The following SRSF11 variants were observed in gnomAD, a reference collection of about 807,000 sequenced individuals.
The protein encoded by SRSF11 is serine and arginine rich splicing factor 11.
Under a neutral mutation model 56.0 loss-of-function variants are expected in SRSF11, and 9 were observed. The ratio of observed to expected loss-of-function variants is 0.16; its 90% CI spans 0.10 to 0.28. SRSF11 has a LOEUF of 0.28. Among genes scored for constraint, SRSF11 ranks in the 10% least tolerant of loss-of-function variants. The probability of loss-of-function intolerance (pLI) is 1.00; values close to 1 mark genes in which losing one functional copy is unlikely to be tolerated. For synonymous variants in SRSF11, 222 were observed against 215.3 expected, an observed-to-expected ratio of 1.03 and a Z score of -0.27; for missense variants, 421 against 600.7, an observed-to-expected ratio of 0.70 and a Z score of 3.13.
chr1:70,218,101 A>G (rs1343389681), upstream of SRSF11, among the ~76,000 whole-genome samples: 1 of 152,144 alleles, frequency 6.6e-6, no homozygotes, highest in Non-Finnish European at 1.5e-5. Context: ...AGTAGCTGGC[A>G]CTACAGGCGT....
At chr1:70,208,436 G>C (rs562401066) in intron 1 of SRSF11, among the ~76,000 whole-genome samples, 24 of 152,020 alleles carry the variant, frequency 1.6e-4, no homozygotes, top group Non-Finnish European at 3.1e-4. Context: ...AGCTTCAAGT[G>C]ATTTCTCCTG....
chr1:70,227,635 G>A (rs1672079908), intron 1 of SRSF11, among the ~76,000 whole-genome samples: 1 of 152,110 alleles, frequency 6.6e-6, no homozygotes, highest in Non-Finnish European at 1.5e-5. Flanking sequence ...GCAGAAATTT[G>A]AGCTACCCTG....
At position 70,249,799 on chromosome 1, in the gene SRSF11, A is replaced by G. The variant is rs1439383154; in HGVS notation, c.1023-153A>G. On this transcript the variant is annotated intron_variant, in intron 9 of 11. Coordinates refer to ENST00000370949, the MANE Select transcript of SRSF11 (RefSeq NM_001350605.2). ...GGTCTGGAACTCCTGGGCTCAAGCAATCCCCTCACCTCAGCCTGCCAAAGT... is the reference window on the plus strand; with the variant it reads ...GGTCTGGAACTCCTGGGCTCAAGCAGTCCCCTCACCTCAGCCTGCCAAAGT... 5 of 697,978 alleles carry G rather than the reference A, an allele frequency of 7.2e-6. No homozygotes were observed. In the African/African-American group the frequency reaches 7.2e-5, roughly 10 times the overall value. 43.2% of individuals were successfully genotyped at this position (697,978 alleles called of 1,614,324 possible).
intron 6 of SRSF11, 39 bp downstream of exon 6, chr1:70,237,591 G>A (rs1558199750): frequency 2.5e-6 from 4 of 1,598,686 alleles, no homozygotes; most frequent in Middle Eastern, 3.3e-4. Context: ...GTGATTCTTA[G>A]CAAAAATGAT....
At chr1:70,225,501 G>T (rs547583059) in intron 1 of SRSF11, among the ~76,000 whole-genome samples, 1 of 152,126 alleles carries the variant, frequency 6.6e-6, no homozygotes, top group African/African-American at 2.4e-5. Flanking sequence ...TCTCCACTTA[G>T]CACACTATTA....
intron 3 of SRSF11, among the ~76,000 whole-genome samples, chr1:70,233,469 G>T (rs1406583534): frequency 6.6e-6 from 1 of 152,048 alleles, no homozygotes; most frequent in African/African-American, 2.4e-5. Flanking sequence ...TGAACTCTTG[G>T]CCTCAAGTGA....
In SRSF11 at chr1:70,252,225, T is replaced by A. The variant is rs1444231000; in HGVS notation, c.*1420T>A. 1 of 152,196 alleles carries A rather than the reference T, an allele frequency of 6.6e-6. No individual in the cohort carries two copies. The highest frequency in any genetic ancestry group is 1.5e-5 in the Non-Finnish European group (1 of 68,004). The allele number at this position is 152,196 out of a possible 1,614,324, so 9.4% of individuals were successfully genotyped here. ...CTTAGCTTAGTATCATTTTATTGCT[T>A]ATTTTTTGTGTGGGAATGGGGTTGG... is the stretch of plus-strand genomic sequence containing the variant. On this transcript the variant is annotated 3_prime_UTR_variant, in exon 12 of 12. Coordinates refer to ENST00000370949, the MANE Select transcript of SRSF11 (RefSeq NM_001350605.2).
chr1:70,214,543 C>A (rs939345216), intron 1 of SRSF11, among the ~76,000 whole-genome samples: 1 of 152,034 alleles, frequency 6.6e-6, no homozygotes, highest in Non-Finnish European at 1.5e-5. Flanking sequence ...TTAGGGTGTT[C>A]ACAGACCCTG....
chr1:70,215,095 G>A (rs939813997), intron 1 of SRSF11, among the ~76,000 whole-genome samples: 4 of 151,638 alleles, frequency 2.6e-5, no homozygotes, highest in Non-Finnish European at 4.4e-5. Flanking sequence ...GCGGGGTTTC[G>A]TCATTTTGGC....
intron 9 of SRSF11, 110 bp downstream of exon 9, chr1:70,247,017 G>A: frequency 8.8e-7 from 1 of 1,131,808 alleles, no homozygotes. Flanking sequence ...TTTCAGTGTT[G>A]AAAAAAGTTA....
chr1:70,234,978 T>C (rs1673630499), intron 4 of SRSF11, among the ~76,000 whole-genome samples, 190 bp downstream of exon 4: 1 of 152,224 alleles, frequency 6.6e-6, no homozygotes. Flanking sequence ...ATTTCTTTTA[T>C]ATAGTTCAAA....
intron 1 of SRSF11, among the ~76,000 whole-genome samples, chr1:70,226,915 A>G (rs1671906752): frequency 6.6e-6 from 1 of 152,220 alleles, no homozygotes; most frequent in South Asian, 2.1e-4. Context: ...GCAGTGTTTC[A>G]CATCTAAAAA....
chr1:70,219,411 C>T (rs1188205556), upstream of SRSF11, among the ~76,000 whole-genome samples: 1 of 152,122 alleles, frequency 6.6e-6, no homozygotes. Context: ...TAAATCATCT[C>T]TATACTAATA....
rs763631558 is a variant in SRSF11, at chr1:70,244,656, A to G, written c.801-28A>G. On this transcript the variant is annotated intron_variant, in intron 7 of 11. Transcript: ENST00000370949. ...TTATAGTCTTTTTACATTTATACACATGTATTGGCTTCCTTTTACACTATT... is the reference window on the plus strand; with the variant it reads ...TTATAGTCTTTTTACATTTATACACGTGTATTGGCTTCCTTTTACACTATT... 19 of 1,606,016 alleles carry G rather than the reference A, an allele frequency of 1.2e-5. No homozygotes were observed. The Middle Eastern group carries it at 2.2e-3, about 182-fold the overall frequency.
At chr1:70,230,012 T>C in intron 2 of SRSF11, 1 of 985,350 alleles carries the variant, frequency 1.0e-6, no homozygotes, top group Non-Finnish European at 1.2e-6. Flanking sequence ...TCAGGATGAA[T>C]AAAATAGAGT....
Position 70,235,565 on chromosome 1 carries a change from T to G in SRSF11, c.590+15T>G. ...GTTGATCCCAAGTAAGCGTTTTTTC[T>G]TTGTTTTCATTGGTGATGTGGTATC... On this transcript the variant is annotated intron_variant, in intron 5 of 11. Coordinates refer to ENST00000370949, the MANE Select transcript of SRSF11 (RefSeq NM_001350605.2). 1 of 1,608,914 alleles carries G rather than the reference T, an allele frequency of 6.2e-7. No homozygotes were observed. The highest frequency in any genetic ancestry group is 1.3e-5 in the African/African-American group (1 of 74,732).
chr1:70,244,319 G>C (rs1676240434), intron 7 of SRSF11, among the ~76,000 whole-genome samples: 1 of 152,090 alleles, frequency 6.6e-6, no homozygotes, highest in South Asian at 2.1e-4. Flanking sequence ...AATCAAATAA[G>C]AAATACATGC....
chr1:70,237,834 A>T (rs1674459606), intron 6 of SRSF11, among the ~76,000 whole-genome samples: 1 of 152,234 alleles, frequency 6.6e-6, no homozygotes, highest in Non-Finnish European at 1.5e-5. Flanking sequence ...AAATGTCAGT[A>T]GGATTATCTA....
At chr1:70,237,668 A>C (rs1674423208) in intron 6 of SRSF11, 116 bp downstream of exon 6, 1 of 1,423,206 alleles carries the variant, frequency 7.0e-7, no homozygotes. Flanking sequence ...AACTCTGATA[A>C]AAGATTGTAT....
Sources: allele counts gnomAD v4.1 joint callset (sites outside exome capture counted in the v4.1 genomes callset), GRCh38; gene constraint gnomAD v4.1.1; transcripts MANE v1.5; gene names NCBI Gene and HGNC (gene_info 2026-07-23, HGNC 2026-07-21).